Variants in PLEKHH2 observed in about 807,000 individuals in gnomAD.
The protein encoded by PLEKHH2 is pleckstrin homology domain-containing family H member 2.
A neutral mutation model predicts 187.9 loss-of-function variants in PLEKHH2; 129 were observed. The observed-to-expected ratio is 0.69, with a 90% CI of 0.59 to 0.79. PLEKHH2 has a LOEUF of 0.79. Ranked by LOEUF, PLEKHH2 falls within the 30% of genes least tolerant of loss-of-function variation. PLEKHH2 has a pLI of 0.00. For missense variants in PLEKHH2, 2,076 were observed against 1,751.2 expected (o/e 1.19, Z -3.31); for synonymous variants, 686 against 605.6 (o/e 1.13, Z -1.95).
chr2:43,654,921 G>A (rs1474121207), intron 2 of PLEKHH2, among the ~76,000 whole-genome samples: 1 of 152,096 alleles, frequency 6.6e-6, no homozygotes, highest in Non-Finnish European at 1.5e-5. Flanking sequence ...CAGCTACTCA[G>A]GAGGCTGAGG....
intron 2 of PLEKHH2, among the ~76,000 whole-genome samples, chr2:43,678,592 C>G (rs1010815779): frequency 6.6e-6 from 1 of 152,166 alleles, no homozygotes; most frequent in African/African-American, 2.4e-5. Context: ...CGCCTGCAAT[C>G]GCAGGCACTC....
chr2:43,657,227 G>C (rs1320628592), intron 2 of PLEKHH2, among the ~76,000 whole-genome samples: 1 of 152,182 alleles, frequency 6.6e-6, no homozygotes, highest in African/African-American at 2.4e-5. Flanking sequence ...GGATATCCAA[G>C]ATGATTTCAC....
chr2:43,731,459 G>C, intron 18 of PLEKHH2, 31 bp from the exon 19 acceptor site: 1 of 1,412,276 alleles, frequency 7.1e-7, no homozygotes. Flanking sequence ...GGTTTATTCA[G>C]TTTTCTGTTC....
intron 2 of PLEKHH2, among the ~76,000 whole-genome samples, chr2:43,645,363 A>G (rs1253686733): frequency 1.3e-5 from 2 of 152,122 alleles, no homozygotes; most frequent in Non-Finnish European, 1.5e-5. Context: ...TCATTTATTC[A>G]TTCAACAAAT....
chr2:43,659,216 C>T (rs1025715149), intron 2 of PLEKHH2, among the ~76,000 whole-genome samples: 1 of 151,506 alleles, frequency 6.6e-6, no homozygotes, highest in African/African-American at 2.4e-5. Flanking sequence ...TGGTCTCAAA[C>T]TCCTGGGCTC....
chr2:43,726,972 A>G (rs1426636976), intron 17 of PLEKHH2, among the ~76,000 whole-genome samples: 1 of 152,238 alleles, frequency 6.6e-6, no homozygotes, highest in Non-Finnish European at 1.5e-5. Flanking sequence ...CATCTCATAC[A>G]GATAGCAAAA....
rs144077137 is a variant in PLEKHH2, at chr2:43,738,786, G to A, written c.3123+266G>A. The stretch of plus-strand genomic sequence containing the variant: ...CTTTTTTAAACTATAGAAAATAATC[G>A]TTTCCCCTATATCCTTAGACATTCT... On this transcript the variant is annotated intron_variant, in intron 20 of 29. Transcript: ENST00000282406. Among the ~76,000 whole-genome samples, 748 of 152,036 alleles carry A rather than the reference G, an allele frequency of 4.9e-3. 7 individuals carry two copies. The highest frequency in any genetic ancestry group is 0.017 in the African/African-American group (703 of 41,466).
chr2:43,672,924 T>C (rs938049268), intron 2 of PLEKHH2, among the ~76,000 whole-genome samples: 1 of 152,222 alleles, frequency 6.6e-6, no homozygotes, highest in Non-Finnish European at 1.5e-5. Context: ...GTAAATTTTT[T>C]AACAAACATT....
intron 15 of PLEKHH2, among the ~76,000 whole-genome samples, chr2:43,719,692 G>C (rs1030476002): frequency 1.3e-4 from 20 of 152,216 alleles, no homozygotes; most frequent in African/African-American, 4.8e-4. Context: ...CACCGCCTCG[G>C]CCTCCAAAGT....
At chr2:43,735,067 G>A (rs1207089168) in intron 19 of PLEKHH2, among the ~76,000 whole-genome samples, 1 of 152,120 alleles carries the variant, frequency 6.6e-6, no homozygotes, top group East Asian at 1.9e-4. Context: ...GTGCATTCCT[G>A]TAATCCCAGC....
At chr2:43,724,954 G>C (rs1273649764) in intron 16 of PLEKHH2, among the ~76,000 whole-genome samples, 1 of 150,872 alleles carries the variant, frequency 6.6e-6, no homozygotes, top group Non-Finnish European at 1.5e-5. Flanking sequence ...GACACACACA[G>C]ACAGAGTGAG....
chr2:43,738,244 A>T, intron 19 of PLEKHH2, 97 bp from the exon 20 acceptor site: 1 of 1,060,802 alleles, frequency 9.4e-7, no homozygotes, highest in Non-Finnish European at 1.3e-6. Context: ...CCATCATTTT[A>T]AACAAAAACT....
chr2:43,654,185 A>C (rs1045774567), intron 2 of PLEKHH2, among the ~76,000 whole-genome samples: 1 of 152,104 alleles, frequency 6.6e-6, no homozygotes, highest in Non-Finnish European at 1.5e-5. Context: ...AGTAGTTGAC[A>C]TTTTATGTTA....
Position 43,742,823 on chromosome 2 carries a change from T to C in PLEKHH2, c.3304T>C (p.Ser1102Pro), listed in dbSNP as rs1671630995. The C allele has an allele frequency of 6.2e-7, 1 of 1,608,610 alleles. No individual in the cohort carries two copies. Among genetic ancestry groups the C allele is most frequent in the Admixed American group, 1.7e-5 (1 of 58,884 alleles). Residue 1102 changes from serine to proline, a missense_variant, in exon 22 of 30, where the codon TCA (serine) becomes CCA (proline). Transcript: ENST00000282406. ...AAATGGTGACAGAGAAGCAAGACCC[T>C]CAAGGATGGAAATTCTTTCAACTCT... ...QQNGDREARPSRMEILSTLLR... is the reference protein window; with the variant it reads ...QQNGDREARPPRMEILSTLLR...
At chr2:43,713,966 T>C (rs1670090254) in intron 15 of PLEKHH2, among the ~76,000 whole-genome samples, 1 of 152,206 alleles carries the variant, frequency 6.6e-6, no homozygotes, top group South Asian at 2.1e-4. Context: ...AGAAATATAC[T>C]ATGTACTATG....
intron 15 of PLEKHH2, among the ~76,000 whole-genome samples, chr2:43,714,566 T>A (rs1453177527): frequency 6.6e-6 from 1 of 152,224 alleles, no homozygotes; most frequent in East Asian, 1.9e-4. Context: ...GGTTGTCACA[T>A]TGTTTTTATT....
Position 43,758,903 on chromosome 2 carries a change from G to A in PLEKHH2, c.3945G>A (p.Gln1315=), listed in dbSNP as rs370918185. ...RDGCSEEQLR[Q]LCQRLSTRWM... is the part of the protein sequence containing the mutation. The stretch of plus-strand genomic sequence containing the variant: ...TTGTTCTTTTCTTTTTTTTTAGGCA[G>A]CTTTGCCAGCGACTTTCAACCAGAT... Residue 1315 remains glutamine, a synonymous_variant, in exon 27 of 30, where the codon CAG becomes CAA. Transcript: ENST00000282406. 16 of 1,574,640 alleles carry A rather than the reference G, an allele frequency of 1.0e-5. No individual in the cohort carries two copies. The highest frequency in any genetic ancestry group is 1.2e-5 in the Non-Finnish European group (14 of 1,159,420).
intron 2 of PLEKHH2, among the ~76,000 whole-genome samples, chr2:43,652,449 G>A (rs747980243): frequency 3.3e-5 from 5 of 152,168 alleles, no homozygotes; most frequent in Non-Finnish European, 5.9e-5. Context: ...CTAACTGACT[G>A]TATGCATATT....
At chr2:43,681,003 GAA>G in intron 3 of PLEKHH2, 2 of 1,237,328 alleles carry the variant, frequency 1.6e-6, no homozygotes, top group Non-Finnish European at 1.1e-6. Context: ...ATGCCAACTG[GAA>G]AAGTCACCTG....
Sources: gnomAD v4.1 joint callset for allele counts (sites outside exome capture counted in the v4.1 genomes callset) on GRCh38, gnomAD v4.1.1 for gene constraint, MANE v1.5 for transcripts, NCBI Gene and HGNC (gene_info 2026-07-23, HGNC 2026-07-21) for gene names.